Variants in SAMD5 observed in about 807,000 individuals in gnomAD.
SAMD5 encodes the protein sterile alpha motif domain-containing protein 5.
Under a neutral mutation model 11.3 loss-of-function variants are expected in SAMD5, and 13 were observed. The ratio of observed to expected loss-of-function variants is 1.15; its 90% CI spans 0.75 to 1.83. The LOEUF is 1.83. SAMD5 is among the 40% of genes most tolerant of loss of function. The pLI is 0.00. For synonymous variants in SAMD5, 129 were observed against 111.3 expected (o/e 1.16, Z -1.00); for missense variants, 255 against 239.1 (o/e 1.07, Z -0.44).
chr6:147,716,400 G>A (rs544465180), intron 1 of SAMD5, among the ~76,000 whole-genome samples: 5 of 152,334 alleles, frequency 3.3e-5, no homozygotes, highest in African/African-American at 1.2e-4. Context: ...GCAAGGGTAG[G>A]GGTTCCTTCC....
the SAMD5 span, among the ~76,000 whole-genome samples, chr6:147,769,073 C>A: frequency 3.9e-5 from 6 of 152,284 alleles, no homozygotes; most frequent in Admixed American, 2.0e-4. Flanking sequence ...GGATTCCAGG[C>A]GTGAGCCACC....
At chr6:147,819,672 C>T in the SAMD5 span, among the ~76,000 whole-genome samples, 1 of 152,196 alleles carries the variant, frequency 6.6e-6, no homozygotes, top group Non-Finnish European at 1.5e-5. Context: ...GCTTTCCCCA[C>T]ATGGGGACTG....
intron 1 of SAMD5, among the ~76,000 whole-genome samples, chr6:147,663,169 G>A (rs1790670001): frequency 6.6e-6 from 1 of 152,132 alleles, no homozygotes; most frequent in African/African-American, 2.4e-5. Flanking sequence ...ATGTTACACT[G>A]TTCATCGGCA....
the SAMD5 span, among the ~76,000 whole-genome samples, chr6:147,945,215 C>T: frequency 3.6e-4 from 55 of 152,280 alleles, no homozygotes; most frequent in East Asian, 4.6e-3. Context: ...CTCCTCTCCC[C>T]GTGGCTCTGT....
chr6:147,543,863 C>T (rs1386434818), intron 1 of SAMD5, among the ~76,000 whole-genome samples: 6 of 151,968 alleles, frequency 3.9e-5, no homozygotes, highest in East Asian at 1.9e-4. Flanking sequence ...TTGGAGGCAT[C>T]TCAGGAGAGT....
chr6:147,800,705 T>A, the SAMD5 span, among the ~76,000 whole-genome samples: 17 of 152,176 alleles, frequency 1.1e-4, no homozygotes, highest in African/African-American at 3.9e-4. Context: ...AATGTTTAAT[T>A]CTAAAAGCCT....
At chr6:147,588,017 A>G (rs1789399903) in intron 1 of SAMD5, among the ~76,000 whole-genome samples, 1 of 152,154 alleles carries the variant, frequency 6.6e-6, no homozygotes, top group African/African-American at 2.4e-5. Flanking sequence ...TTAGCTCTCT[A>G]TACATAGATT....
intron 1 of SAMD5, among the ~76,000 whole-genome samples, chr6:147,632,395 T>C (rs779746359): frequency 3.3e-5 from 5 of 152,068 alleles, no homozygotes; most frequent in African/African-American, 9.7e-5. Context: ...TTTGCAAGAG[T>C]GAGGGCTCGA....
chr6:147,606,476 T>A (rs1050152144), intron 1 of SAMD5, among the ~76,000 whole-genome samples: 4 of 152,076 alleles, frequency 2.6e-5, no homozygotes, highest in East Asian at 3.9e-4. Context: ...ATTGCAATAA[T>A]CTTTATGTCT....
intron 1 of SAMD5, among the ~76,000 whole-genome samples, chr6:147,728,078 C>T (rs1267354423): frequency 6.6e-6 from 1 of 152,160 alleles, no homozygotes; most frequent in African/African-American, 2.4e-5. Context: ...TTTTGTAATT[C>T]TGATGAGTTA....
chr6:147,913,837 A>G, the SAMD5 span, among the ~76,000 whole-genome samples: 1 of 152,246 alleles, frequency 6.6e-6, no homozygotes, highest in Non-Finnish European at 1.5e-5. Flanking sequence ...ATGCATTCAC[A>G]TACGTGTGTG....
intron 1 of SAMD5, among the ~76,000 whole-genome samples, chr6:147,545,587 A>G (rs1192250386): frequency 6.6e-6 from 1 of 152,130 alleles, no homozygotes; most frequent in Non-Finnish European, 1.5e-5. Context: ...GGGGATGGAA[A>G]TGTAGTTAAG....
intron 1 of SAMD5, among the ~76,000 whole-genome samples, chr6:147,533,739 G>A (rs551769621): frequency 2.5e-4 from 38 of 152,042 alleles, no homozygotes; most frequent in African/African-American, 9.2e-4. Context: ...GCAGATCCAG[G>A]GATCCAAGAA....
intron 1 of SAMD5, among the ~76,000 whole-genome samples, chr6:147,595,197 A>G (rs1444867170): frequency 1.3e-5 from 2 of 152,246 alleles, no homozygotes; most frequent in Non-Finnish European, 2.9e-5. Flanking sequence ...AATGCCTGAT[A>G]CATTTGGAAT....
chr6:147,597,925 G>A (rs1789555928), intron 1 of SAMD5, among the ~76,000 whole-genome samples: 1 of 152,032 alleles, frequency 6.6e-6, no homozygotes, highest in South Asian at 2.1e-4. Context: ...CCTGCAGGCC[G>A]GGTCACTCAG....
intron 1 of SAMD5, among the ~76,000 whole-genome samples, chr6:147,721,868 T>G (rs1791556909): frequency 6.6e-6 from 1 of 152,246 alleles, no homozygotes; most frequent in Non-Finnish European, 1.5e-5. Flanking sequence ...TGTTTTGGGT[T>G]ATTTCCATAA....
intron 1 of SAMD5, among the ~76,000 whole-genome samples, chr6:147,609,268 A>T (rs1007175320): frequency 6.6e-6 from 1 of 152,206 alleles, no homozygotes; most frequent in African/African-American, 2.4e-5. Flanking sequence ...GGCCAGACCC[A>T]CATACAGGGG....
intron 1 of SAMD5, among the ~76,000 whole-genome samples, chr6:147,710,543 C>T (rs1256820730): frequency 1.3e-5 from 2 of 152,106 alleles, no homozygotes; most frequent in Non-Finnish European, 2.9e-5. Context: ...TGGCCCACTC[C>T]GTTACGGTTA....
chr6:147,655,300 T>A (rs866610750), intron 1 of SAMD5, among the ~76,000 whole-genome samples: 2 of 152,200 alleles, frequency 1.3e-5, no homozygotes, highest in Non-Finnish European at 2.9e-5. Context: ...AGAGATTTTG[T>A]ACTATCTTGC....
Sources: gnomAD v4.1 joint callset for allele counts (sites outside exome capture counted in the v4.1 genomes callset) on GRCh38, gnomAD v4.1.1 for gene constraint, MANE v1.5 for transcripts, NCBI Gene and HGNC (gene_info 2026-07-23, HGNC 2026-07-21) for gene names.